The following SYN3 variants were observed in gnomAD, a reference collection of about 807,000 sequenced individuals.
SYN3 encodes synapsin III, also known as synapsin-3.
A neutral mutation model predicts 65.8 loss-of-function variants in SYN3; 35 were observed. That is an observed-to-expected ratio of 0.53 (90% CI 0.41 to 0.70). The LOEUF (loss-of-function observed/expected upper bound fraction) is 0.70. Among genes scored for constraint, SYN3 ranks in the 30% least tolerant of loss-of-function variants. The pLI is 0.00. For missense variants in SYN3, 680 were observed against 749.0 expected (o/e 0.91, Z 1.08); for synonymous variants, 270 against 292.9 (o/e 0.92, Z 0.80).
chr22:32,623,749 G>C (rs1281508762), intron 6 of SYN3, among the ~76,000 whole-genome samples: 2 of 152,168 alleles, frequency 1.3e-5, no homozygotes, highest in Admixed American at 1.3e-4. Context: ...ATCTTCATAG[G>C]ACTTATTCAA....
intron 6 of SYN3, among the ~76,000 whole-genome samples, chr22:32,830,760 A>G (rs1248177238): frequency 6.6e-6 from 1 of 151,872 alleles, no homozygotes; most frequent in Non-Finnish European, 1.5e-5. Flanking sequence ...AGCCAGTCAC[A>G]TGGACCGTGA....
rs1345328389 is a variant in SYN3, at chr22:32,513,349, A to G, written c.*343T>C. On this transcript the variant is annotated 3_prime_UTR_variant, in exon 14 of 14. Coordinates refer to ENST00000358763, the MANE Select transcript of SYN3 (RefSeq NM_003490.4). ...TTTGCCCAAAGGTGAGCCAAACACT[A>G]GTAAGAATGTGAAAACTAGCCACTC... is the stretch of plus-strand genomic sequence containing the variant. 3.2e-5 allele frequency: 7 copies of G among 221,560 alleles called. No individual in the cohort carries two copies. Among genetic ancestry groups the G allele is most frequent in the Admixed American group, 5.2e-5 (1 of 19,250 alleles). 13.7% of individuals were successfully genotyped at this position (221,560 alleles called of 1,614,324 possible). A position where few individuals can be genotyped will look rare whatever the true frequency, so the allele number is the denominator to read the frequency against.
rs550984803 is a variant in SYN3, at chr22:32,885,711, C to T, written c.462-16586G>A. ...GAGTAGCTGGGACTACAGGCGCCCA[C>T]CACCATGCCCAGCTAATTTTTGTAT... On this transcript the variant is annotated intron_variant, in intron 4 of 13. Coordinates refer to ENST00000358763, the MANE Select transcript of SYN3 (RefSeq NM_003490.4). 2.6e-5 allele frequency among the ~76,000 whole-genome samples: 4 copies of T among 152,280 alleles called. No individual in the cohort carries two copies. The East Asian group carries it at 7.7e-4, about 29-fold the overall frequency.
intron 7 of SYN3, among the ~76,000 whole-genome samples, chr22:32,555,246 G>T (rs184921965): frequency 2.0e-5 from 3 of 152,270 alleles, no homozygotes; most frequent in African/African-American, 7.2e-5. Context: ...ATCCTCTTAC[G>T]AAAGCTGAAG....
At chr22:32,539,351 TTC>T (rs1230471676) in intron 8 of SYN3, among the ~76,000 whole-genome samples, 2 of 152,180 alleles carry the variant, frequency 1.3e-5, no homozygotes, top group Non-Finnish European at 2.9e-5. Context: ...AGCTGGATTT[TTC>T]TCTGTTGGAG....
intron 6 of SYN3, among the ~76,000 whole-genome samples, chr22:32,846,791 G>A (rs770959038): frequency 1.3e-5 from 2 of 152,240 alleles, no homozygotes; most frequent in Non-Finnish European, 2.9e-5. Context: ...AGATTCAGGA[G>A]GAAAGAGCCC....
At chr22:32,914,340 T>C (rs1198770345) in intron 4 of SYN3, among the ~76,000 whole-genome samples, 1 of 152,184 alleles carries the variant, frequency 6.6e-6, no homozygotes, top group Non-Finnish European at 1.5e-5. Context: ...TTCTGGCTTC[T>C]CCACTTTTGG....
At chr22:32,746,232 A>G (rs1042262297) in intron 6 of SYN3, among the ~76,000 whole-genome samples, 1 of 152,214 alleles carries the variant, frequency 6.6e-6, no homozygotes, top group Non-Finnish European at 1.5e-5. Flanking sequence ...GCAGAAGAAA[A>G]GGAGCTCCAA....
At chr22:32,779,417 G>A (rs1177532582) in intron 6 of SYN3, among the ~76,000 whole-genome samples, 1 of 152,122 alleles carries the variant, frequency 6.6e-6, no homozygotes, top group Non-Finnish European at 1.5e-5. Context: ...CCGAGATGGC[G>A]CCACTGCACT....
At chr22:32,559,556 C>T (rs183855209) in intron 7 of SYN3, among the ~76,000 whole-genome samples, 1 of 152,252 alleles carries the variant, frequency 6.6e-6, no homozygotes, top group East Asian at 1.9e-4. Flanking sequence ...TGGCCGGGCG[C>T]GGTGGCTCAC....
chr22:32,950,799 C>T (rs949641271), intron 3 of SYN3, among the ~76,000 whole-genome samples: 3 of 152,104 alleles, frequency 2.0e-5, no homozygotes, highest in Non-Finnish European at 4.4e-5. Flanking sequence ...GGGCAGCTAA[C>T]GCTGGACTGT....
chr22:32,598,789 T>TA (rs1372423163), intron 6 of SYN3, among the ~76,000 whole-genome samples: 3 of 151,918 alleles, frequency 2.0e-5, no homozygotes, highest in East Asian at 3.9e-4. Context: ...CGCCCAGCCA[T>TA]AGTTTTTTTT....
At chr22:32,728,298 T>C (rs74820290) in intron 6 of SYN3, among the ~76,000 whole-genome samples, 1 of 152,132 alleles carries the variant, frequency 6.6e-6, no homozygotes, top group Admixed American at 6.5e-5. Context: ...TCAGGGTGAA[T>C]GAAGTTTAAT....
chr22:32,581,210 A>C (rs1448888170), intron 7 of SYN3, among the ~76,000 whole-genome samples: 2 of 152,112 alleles, frequency 1.3e-5, no homozygotes, highest in African/African-American at 2.4e-5. Flanking sequence ...CCCAGGTTCA[A>C]ATAATTCTTG....
intron 7 of SYN3, among the ~76,000 whole-genome samples, chr22:32,544,124 G>A (rs1218061711): frequency 6.6e-6 from 1 of 152,158 alleles, no homozygotes; most frequent in Non-Finnish European, 1.5e-5. Flanking sequence ...TATTTGTAGA[G>A]ACAGGGCCTC....
intron 4 of SYN3, among the ~76,000 whole-genome samples, chr22:32,870,863 G>A (rs2146357010): frequency 6.6e-6 from 1 of 152,146 alleles, no homozygotes; most frequent in East Asian, 1.9e-4. Flanking sequence ...ACAAAATAGG[G>A]TCTCCAGTTT....
At chr22:32,823,644 T>C (rs1378888627) in intron 6 of SYN3, among the ~76,000 whole-genome samples, 2 of 152,132 alleles carry the variant, frequency 1.3e-5, no homozygotes, top group Non-Finnish European at 2.9e-5. Context: ...TGCAGGTCTC[T>C]GGACAGACAG....
chr22:32,996,954 C>T (rs2052898549), intron 2 of SYN3, among the ~76,000 whole-genome samples: 1 of 152,226 alleles, frequency 6.6e-6, no homozygotes, highest in Non-Finnish European at 1.5e-5. Flanking sequence ...CACCCGTTGC[C>T]TCACACTGCT....
chr22:33,030,645 A>G (rs747068654), intron 1 of SYN3, among the ~76,000 whole-genome samples: 5 of 151,740 alleles, frequency 3.3e-5, no homozygotes, highest in Non-Finnish European at 5.9e-5. Flanking sequence ...AAACTTATAT[A>G]GAGACTGATA....
Sources: gnomAD v4.1 joint callset for allele counts (sites outside exome capture counted in the v4.1 genomes callset) on GRCh38, gnomAD v4.1.1 for gene constraint, MANE v1.5 for transcripts, NCBI Gene and HGNC (gene_info 2026-07-23, HGNC 2026-07-21) for gene names.